GFOD2: variants seen among roughly 807,000 people sequenced by gnomAD.
The protein encoded by GFOD2 is Gfo/Idh/MocA-like oxidoreductase domain containing 2.
Under a neutral mutation model 24.6 loss-of-function variants are expected in GFOD2, and 9 were observed. That is an observed-to-expected ratio of 0.37 (90% CI 0.22 to 0.64). The LOEUF is 0.64. Among genes scored for constraint, GFOD2 ranks in the 30% least tolerant of loss-of-function variants. The probability of loss-of-function intolerance (pLI) is 0.65; values close to 1 mark genes in which losing one functional copy is unlikely to be tolerated. For missense variants in GFOD2, 476 were observed against 532.5 expected (o/e 0.89, Z 1.04); for synonymous variants, 211 against 224.8 (o/e 0.94, Z 0.55).
intron 1 of GFOD2, among the ~76,000 whole-genome samples, chr16:67,700,807 C>T (rs1294105765): frequency 1.4e-5 from 2 of 139,240 alleles, no homozygotes; most frequent in South Asian, 2.3e-4. Flanking sequence ...CCGAGGCGGG[C>T]GGATCACCCG....
rs370981220 is a variant in GFOD2, at chr16:67,685,452, C to A, written c.259+5G>T. On this transcript the variant is annotated splice_donor_5th_base_variant and intron_variant, in intron 2 of 2. Coordinates refer to ENST00000268797, the MANE Select transcript of GFOD2 (RefSeq NM_030819.4). The stretch of plus-strand genomic sequence containing the variant: ...TCTGCCCCTGCTGTGGCCTGCCGGG[C>A]GTACCTAGAGCCTTCACGGATATCT... The A allele has an allele frequency of 6.2e-6, 10 of 1,613,942 alleles. No individual in the cohort carries two copies. The highest frequency in any genetic ancestry group is 7.6e-6 in the Non-Finnish European group (9 of 1,180,008).
intron 2 of GFOD2, chr16:67,681,264 C>T (rs1021541625): frequency 1.8e-5 from 18 of 985,318 alleles, no homozygotes; most frequent in Non-Finnish European, 2.2e-5. Flanking sequence ...AGAGTGGATA[C>T]TGCAGTGTGA....
chr16:67,692,726 A>AT (rs2053323724), intron 1 of GFOD2, among the ~76,000 whole-genome samples: 1 of 151,036 alleles, frequency 6.6e-6, no homozygotes, highest in African/African-American at 2.4e-5. Context: ...AAGGGGAATA[A>AT]TTTAAAAAAA....
intron 1 of GFOD2, among the ~76,000 whole-genome samples, chr16:67,718,842 T>C (rs1227299085): frequency 6.6e-6 from 1 of 152,168 alleles, no homozygotes; most frequent in Non-Finnish European, 1.5e-5. Flanking sequence ...GGTGGTCCGC[T>C]CGGCACAGGG....
intron 1 of GFOD2, among the ~76,000 whole-genome samples, chr16:67,688,594 C>A (rs2053285488): frequency 6.6e-6 from 1 of 152,158 alleles, no homozygotes; most frequent in African/African-American, 2.4e-5. Flanking sequence ...CAGTTCCCCA[C>A]TCCATATTAG....
Position 67,698,854 on chromosome 16 carries a change from G to A in GFOD2, c.-87-13052C>T, listed in dbSNP as rs139549237. On this transcript the variant is annotated intron_variant, in intron 1 of 2. Transcript: ENST00000268797. ...AGGAGACATTAGACACAGAGAACCA[G>A]TTAGGATATCAAGTAAGACATAAGG... Among the ~76,000 whole-genome samples, 15 of 152,252 alleles carry A rather than the reference G, an allele frequency of 9.9e-5. No homozygotes were observed. The East Asian group carries it at 2.9e-3, about 29-fold the overall frequency.
intron 2 of GFOD2, chr16:67,684,657 T>C (rs1024035949): frequency 5.4e-6 from 4 of 740,814 alleles, no homozygotes; most frequent in African/African-American, 1.9e-5. Context: ...GATTGCGCCA[T>C]TGAACTCCAG....
chr16:67,698,228 CT>C (rs544974579), intron 1 of GFOD2, among the ~76,000 whole-genome samples: 6 of 152,192 alleles, frequency 3.9e-5, no homozygotes, highest in Non-Finnish European at 8.8e-5. Context: ...TAGAGGACCC[CT>C]CTCTCCCATG....
intron 1 of GFOD2, among the ~76,000 whole-genome samples, chr16:67,705,399 G>C (rs981312386): frequency 2.0e-5 from 3 of 152,086 alleles, no homozygotes; most frequent in Admixed American, 1.3e-4. Context: ...GTAGAGACAG[G>C]GTTTTGCCAA....
At chr16:67,686,106 CTATTAAAAAATATATA>C (rs2078422983) in intron 1 of GFOD2, among the ~76,000 whole-genome samples, 1 of 152,004 alleles carries the variant, frequency 6.6e-6, no homozygotes, top group Admixed American at 6.6e-5. Context: ...GATGTCATCT[CTATTAAAAAATATATA>C]TATTAAAAAA....
At chr16:67,677,362 C>A (rs148381136) in intron 2 of GFOD2, 4,522 of 152,294 alleles carry the variant, frequency 0.03, 101 homozygotes, top group Middle Eastern at 0.16. Context: ...AGGTGCCCAC[C>A]ACCACGCCCG....
intron 2 of GFOD2, chr16:67,685,188 T>C (rs1412251926): frequency 9.3e-6 from 13 of 1,404,810 alleles, no homozygotes; most frequent in South Asian, 1.6e-5. Flanking sequence ...TTATGTTGAC[T>C]GAGATGCAAC....
intron 2 of GFOD2, chr16:67,683,744 G>T: frequency 3.3e-6 from 4 of 1,228,244 alleles, no homozygotes; most frequent in Non-Finnish European, 4.1e-6. Context: ...TGAGGGAGGA[G>T]ATAAGTAGCA....
Position 67,674,941 on chromosome 16 carries a change from C to T in GFOD2, c.*214G>A, listed in dbSNP as rs1402396938. 1.7e-6 allele frequency: 1 copy of T among 593,058 alleles called. No individual in the cohort carries two copies. The highest frequency in any genetic ancestry group is 2.1e-5 in the South Asian group (1 of 48,182). The allele number at this position is 593,058 out of a possible 1,614,324, so 36.7% of individuals were successfully genotyped here. ...TGGCGGCAGCTCTGCCCTGTGCACA[C>T]CGTGGTAACCTGGCAACAGGAACAT... On this transcript the variant is annotated 3_prime_UTR_variant, in exon 3 of 3. Transcript: ENST00000268797.
chr16:67,685,140 AC>A, intron 2 of GFOD2: 1 of 1,358,084 alleles, frequency 7.4e-7, no homozygotes, highest in South Asian at 1.8e-5. Flanking sequence ...ATTCCCCGCC[AC>A]CCAGGGCTCT....
intron 2 of GFOD2, chr16:67,682,922 C>T (rs2053239034): frequency 1.4e-6 from 1 of 722,776 alleles, no homozygotes; most frequent in Non-Finnish European, 1.7e-6. Context: ...TAGCTGGATC[C>T]CAGAGATTCA....
Position 67,675,202 on chromosome 16 carries a change from C to T in GFOD2, c.1111G>A (p.Asp371Asn), listed in dbSNP as rs747914627. Reference protein sequence around the residue: ...EAVEVLTEEPDTNQNLCEALQ... With the variant: ...EAVEVLTEEPNTNQNLCEALQ... ...GCCTCACACAGGTTCTGGTTGGTGTCGGGCTCCTCCGTCAGCACCTCCACA... is the reference window on the plus strand; with the variant it reads ...GCCTCACACAGGTTCTGGTTGGTGTTGGGCTCCTCCGTCAGCACCTCCACA... Residue 371 changes from aspartate (D) to asparagine (N), a missense_variant, in exon 3 of 3, where the codon GAC (aspartate) becomes AAC (asparagine). Asp to Asn is a conservative substitution (Grantham distance 23). Coordinates refer to ENST00000268797, the MANE Select transcript of GFOD2 (RefSeq NM_030819.4). 1.9e-5 allele frequency: 30 copies of T among 1,613,762 alleles called. No homozygotes were observed. In the Admixed American group the frequency reaches 3.7e-4, roughly 20 times the overall value.
Position 67,685,806 on chromosome 16 carries a change from G to C in GFOD2, c.-87-4C>G. 6.9e-7 allele frequency: 1 copy of C among 1,446,352 alleles called. No individual in the cohort carries two copies. Among genetic ancestry groups the C allele is most frequent in the Non-Finnish European group, 9.3e-7 (1 of 1,070,726 alleles). The allele number at this position is 1,446,352 out of a possible 1,614,324, so 89.6% of individuals were successfully genotyped here. A position where few individuals can be genotyped will look rare whatever the true frequency, so the allele number is the denominator to read the frequency against. ...ACGTCCTGGTCAGACATGGCTCCTA[G>C]AATAGCAAACATTACACTGGTTATT... On this transcript the variant is annotated splice_region_variant and splice_polypyrimidine_tract_variant and intron_variant, in intron 1 of 2. Transcript: ENST00000268797.
At chr16:67,683,887 TACTC>T (rs1221447485) in intron 2 of GFOD2, 6 of 1,156,556 alleles carry the variant, frequency 5.2e-6, no homozygotes, top group South Asian at 4.4e-5. Context: ...ATAAAACAGT[TACTC>T]AGTCAAGTAA....
Sources: allele counts gnomAD v4.1 joint callset (sites outside exome capture counted in the v4.1 genomes callset), GRCh38; gene constraint gnomAD v4.1.1; transcripts MANE v1.5; gene names NCBI Gene and HGNC (gene_info 2026-07-23, HGNC 2026-07-21).